LAMA3: variants seen among roughly 807,000 people sequenced by gnomAD.
LAMA3 encodes laminin subunit alpha 3.
Under a neutral mutation model 402.0 loss-of-function variants are expected in LAMA3, and 281 were observed. The ratio of observed to expected loss-of-function variants is 0.70; its 90% CI spans 0.63 to 0.77. LAMA3 has a LOEUF of 0.77. LAMA3 is among the 30% of genes least tolerant of loss of function. The pLI is 0.00. For synonymous variants in LAMA3, 1,431 were observed against 1,558.4 expected, an observed-to-expected ratio of 0.92 and a Z score of 1.93; for missense variants, 3,840 against 4,215.5, an observed-to-expected ratio of 0.91 and a Z score of 2.47.
intron 70 of LAMA3, among the ~76,000 whole-genome samples, chr18:23,948,863 C>T (rs1033083149): frequency 6.6e-6 from 1 of 152,178 alleles, no homozygotes; most frequent in African/African-American, 2.4e-5. Context: ...AGCCACTGTG[C>T]CTGGCCACCA....
In LAMA3 at chr18:23,827,462, A is replaced by G; in HGVS notation, c.2818A>G (p.Arg940Gly). 6.2e-7 allele frequency: 1 copy of G among 1,614,066 alleles called. No homozygotes were observed. The highest frequency in any genetic ancestry group is 1.3e-5 in the African/African-American group (1 of 75,040). Residue 940 changes from arginine (R) to glycine (G), a missense_variant, in exon 23 of 75, where the codon AGA becomes GGA. Around this residue, in one of 3 missense-constraint regions of LAMA3, gnomAD observed 2,109 missense variants for 2,376.0 expected, o/e 0.89. Coordinates refer to ENST00000313654, the MANE Select transcript of LAMA3 (RefSeq NM_198129.4). Reference protein sequence around the residue: ...AHPVMVDLSGREVELHLRLRI... With the variant: ...AHPVMVDLSGGEVELHLRLRI... Reference sequence around the variant, plus strand: ...CCCTGTCATGGTGGACCTCAGCGGGAGAGAGGTGGGCCAGCCTTTTATTTA... The same window carrying G: ...CCCTGTCATGGTGGACCTCAGCGGGGGAGAGGTGGGCCAGCCTTTTATTTA...
chr18:23,942,641 G>A (rs542695073), intron 68 of LAMA3, among the ~76,000 whole-genome samples: 14 of 148,678 alleles, frequency 9.4e-5, no homozygotes, highest in African/African-American at 2.7e-4. Flanking sequence ...GCAGTGGCAC[G>A]ATCTTGGCTC....
intron 11 of LAMA3, among the ~76,000 whole-genome samples, chr18:23,783,157 C>T (rs747171119): frequency 2.0e-5 from 3 of 152,046 alleles, no homozygotes; most frequent in Non-Finnish European, 4.4e-5. Flanking sequence ...CCAGACTGGT[C>T]CCTCCCATGG....
chr18:23,916,033 AAAAG>A (rs1180926124), intron 59 of LAMA3, among the ~76,000 whole-genome samples: 3 of 127,568 alleles, frequency 2.4e-5, no homozygotes, highest in East Asian at 2.2e-4. Flanking sequence ...AAAAAAAAAG[AAAAG>A]AAAAGAAAAA....
chr18:23,689,717 C>G lies in LAMA3; in HGVS notation c.34C>G (p.Leu12Val), dbSNP rs2060541809. ...GGCCGCGCGGCCTCGGGGTCGGGCA[C>G]TGGGGCCAGTACTGCCGCCGACGCC... ...AAAARPRGRA[L>V]GPVLPPTPLL... Residue 12 changes from leucine to valine, a missense_variant, in exon 1 of 75, where the codon CTG becomes GTG. Physicochemically the swap from Leu to Val is conservative, Grantham distance 32. This residue lies in a region of LAMA3 where 2,109 missense variants were observed against 2,376.0 expected (regional missense o/e 0.89). Transcript: ENST00000313654. 1 of 1,402,974 alleles carries G rather than the reference C, an allele frequency of 7.1e-7. No individual in the cohort carries two copies. Among genetic ancestry groups the G allele is most frequent in the South Asian group, 1.6e-5 (1 of 63,082 alleles). The allele number at this position is 1,402,974 out of a possible 1,614,324, so 86.9% of individuals were successfully genotyped here.
In LAMA3 at chr18:23,833,963, G is replaced by A. The variant is rs374287898; in HGVS notation, c.2959G>A (p.Val987Met). ...KSSGSVLAGQVNIYSCNYSVL... is the reference protein window; with the variant it reads ...KSSGSVLAGQMNIYSCNYSVL... Reference sequence around the variant, plus strand: ...CTCCGGGTCTGTTCTGGCAGGCCAGGTGAACATTTACAGCTGCAACTACAG... The same window carrying A: ...CTCCGGGTCTGTTCTGGCAGGCCAGATGAACATTTACAGCTGCAACTACAG... The change falls in exon 24 of 75, where the codon GTG becomes ATG. Residue 987 changes from valine to methionine, a missense_variant. Val to Met is a conservative substitution (Grantham distance 21). Transcript: ENST00000313654. The A allele has an allele frequency of 3.1e-6, 5 of 1,614,142 alleles. No homozygotes were observed. The African/African-American group carries it at 4.0e-5, about 13-fold the overall frequency.
chr18:23,696,534 T>C (rs560811323), intron 1 of LAMA3, among the ~76,000 whole-genome samples: 2 of 152,288 alleles, frequency 1.3e-5, no homozygotes, highest in South Asian at 4.1e-4. Flanking sequence ...GGAGTTTTGC[T>C]CTGTGGCCCA....
intron 20 of LAMA3, among the ~76,000 whole-genome samples, 174 bp from the exon 21 acceptor site, chr18:23,824,249 T>G (rs2063339036): frequency 6.6e-6 from 1 of 152,216 alleles, no homozygotes; most frequent in African/African-American, 2.4e-5. Flanking sequence ...CTAGCCTATT[T>G]TATACATATG....
chr18:23,804,286 G>A (rs1419892515), intron 12 of LAMA3, among the ~76,000 whole-genome samples: 1 of 152,160 alleles, frequency 6.6e-6, no homozygotes, highest in African/African-American at 2.4e-5. Context: ...ACACTTAAAA[G>A]CACCATTAGA....
intron 2 of LAMA3, among the ~76,000 whole-genome samples, chr18:23,727,310 ATTG>A (rs2061316424): frequency 3.8e-5 from 1 of 26,054 alleles, no homozygotes; most frequent in Admixed American, 5.5e-4. Flanking sequence ...TCCTTGTTTG[ATTG>A]ATTGATTGAT....
At chr18:23,762,889 C>T (rs1216654334) in intron 7 of LAMA3, among the ~76,000 whole-genome samples, 1 of 150,790 alleles carries the variant, frequency 6.6e-6, no homozygotes, top group African/African-American at 2.4e-5. Flanking sequence ...TGGAGTCTCG[C>T]TCTGTCACCC....
intron 23 of LAMA3, among the ~76,000 whole-genome samples, chr18:23,830,792 TG>T (rs1475904013): frequency 1.3e-5 from 2 of 152,284 alleles, no homozygotes; most frequent in East Asian, 3.9e-4. Flanking sequence ...GTCTGATCCA[TG>T]GCAATTGTAT....
chr18:23,825,241 A>T (rs2063358528), intron 21 of LAMA3, among the ~76,000 whole-genome samples: 1 of 152,214 alleles, frequency 6.6e-6, no homozygotes, highest in South Asian at 2.1e-4. Context: ...ATAGCCAGAG[A>T]AGCCATGGGG....
At chr18:23,713,356 G>A (rs1003598208) in intron 1 of LAMA3, among the ~76,000 whole-genome samples, 4 of 152,114 alleles carry the variant, frequency 2.6e-5, no homozygotes, top group African/African-American at 4.8e-5. Context: ...AGTCCTATCC[G>A]TCCTCCCAGG....
intron 48 of LAMA3, among the ~76,000 whole-genome samples, chr18:23,902,063 C>T (rs1446270875): frequency 1.3e-5 from 2 of 152,210 alleles, no homozygotes; most frequent in East Asian, 1.9e-4. Flanking sequence ...TGGCTTATGC[C>T]TGTAATCCTA....
At position 23,816,838 on chromosome 18, in the gene LAMA3, G is replaced by A. The variant is rs184531496; in HGVS notation, c.2147+351G>A. On this transcript the variant is annotated intron_variant, in intron 18 of 74. Transcript: ENST00000313654. ...GCAGGAGGAGCCCACAGATAGGCCC[G>A]CTCCAGGGAGAGAGGGAATAAGAGG... 3.9e-5 allele frequency among the ~76,000 whole-genome samples: 6 copies of A among 152,266 alleles called. No homozygotes were observed. The East Asian group carries it at 9.6e-4, about 24-fold the overall frequency.
At chr18:23,943,615 A>G (rs920530461) in intron 68 of LAMA3, among the ~76,000 whole-genome samples, 173 bp from the exon 69 acceptor site, 8 of 152,242 alleles carry the variant, frequency 5.3e-5, no homozygotes, top group Admixed American at 5.2e-4. Context: ...CAGCTGGAAT[A>G]GAATAGCTTT....
chr18:23,899,265 A>T (rs753234703), intron 46 of LAMA3, 23 bp from the exon 47 acceptor site: 45 of 1,610,760 alleles, frequency 2.8e-5, no homozygotes, highest in Middle Eastern at 1.6e-4. Flanking sequence ...TCCCAGTCTA[A>T]TAGACCACTT....
intron 34 of LAMA3, among the ~76,000 whole-genome samples, chr18:23,860,378 C>A (rs1568266765): frequency 1.3e-5 from 2 of 151,020 alleles, no homozygotes; most frequent in African/African-American, 4.9e-5. Flanking sequence ...CCTGCCTCAG[C>A]CTCCTGAGTA....
Sources: gnomAD v4.1 joint callset for allele counts (sites outside exome capture counted in the v4.1 genomes callset) on GRCh38, gnomAD v4.1.1 for gene constraint, gnomAD v4.1.1 regional missense constraint, MANE v1.5 for transcripts, NCBI Gene and HGNC (gene_info 2026-07-23, HGNC 2026-07-21) for gene names.